DCDC1: variants seen among roughly 807,000 people sequenced by gnomAD.
DCDC1 encodes the protein doublecortin domain-containing protein 1.
Under a neutral mutation model 178.3 loss-of-function variants are expected in DCDC1, and 200 were observed. The observed-to-expected ratio is 1.12, with a 90% CI of 1.00 to 1.26. The LOEUF is 1.26. Among genes scored for constraint, DCDC1 ranks in the 50% most tolerant of loss-of-function variants. DCDC1 has a pLI of 0.00. For missense variants in DCDC1, 1,983 were observed against 1,749.2 expected, an observed-to-expected ratio of 1.13 and a Z score of -2.38; for synonymous variants, 690 against 604.8, an observed-to-expected ratio of 1.14 and a Z score of -2.07.
intron 20 of DCDC1, among the ~76,000 whole-genome samples, chr11:30,997,871 C>G (rs997127518): frequency 6.6e-6 from 1 of 151,928 alleles, no homozygotes; most frequent in African/African-American, 2.4e-5. Context: ...TTCTAAATAG[C>G]CTTCTCCCCA....
intron 36 of DCDC1, among the ~76,000 whole-genome samples, chr11:30,890,492 T>C (rs200580248): frequency 6.2e-4 from 94 of 152,352 alleles, no homozygotes; most frequent in Non-Finnish European, 1.3e-3. Flanking sequence ...AGGTGGGTAC[T>C]GTGCTCCACT....
chr11:31,038,718 T>A (rs1221508495), intron 20 of DCDC1, among the ~76,000 whole-genome samples: 1 of 152,186 alleles, frequency 6.6e-6, no homozygotes, highest in African/African-American at 2.4e-5. Context: ...TTAATAGTGC[T>A]CCTGGCATGG....
chr11:31,293,693 ATC>A (rs2137431504), intron 6 of DCDC1, among the ~76,000 whole-genome samples: 1 of 152,238 alleles, frequency 6.6e-6, no homozygotes, highest in East Asian at 1.9e-4. Context: ...TACCTTATTT[ATC>A]TCTCTCAACA....
chr11:31,271,759 TGGAGA>T (rs1945569784), intron 7 of DCDC1, among the ~76,000 whole-genome samples: 1 of 152,154 alleles, frequency 6.6e-6, no homozygotes, highest in Non-Finnish European at 1.5e-5. Context: ...CCCACATGGC[TGGAGA>T]GGCCTCACAA....
At chr11:31,332,613 T>C (rs1171709961) in intron 2 of DCDC1, among the ~76,000 whole-genome samples, 2 of 152,232 alleles carry the variant, frequency 1.3e-5, no homozygotes, top group Non-Finnish European at 2.9e-5. Flanking sequence ...AAGATCTTTA[T>C]TTCTGCCTTC....
intron 9 of DCDC1, among the ~76,000 whole-genome samples, chr11:31,216,264 T>C (rs566936088): frequency 3.9e-5 from 6 of 152,226 alleles, no homozygotes; most frequent in African/African-American, 1.4e-4. Context: ...GGTAGACAGA[T>C]AGAGGATTAG....
chr11:31,233,803 A>G (rs1413572082), intron 9 of DCDC1, among the ~76,000 whole-genome samples: 1 of 152,230 alleles, frequency 6.6e-6, no homozygotes, highest in Non-Finnish European at 1.5e-5. Flanking sequence ...GAGGAATCCA[A>G]TGCCAGAAGT....
At chr11:30,923,246 C>A (rs1010728707) in intron 23 of DCDC1, among the ~76,000 whole-genome samples, 4 of 152,226 alleles carry the variant, frequency 2.6e-5, no homozygotes, top group Non-Finnish European at 4.4e-5. Context: ...CAGCAGGCAC[C>A]ATATGGCCCA....
At chr11:31,014,745 T>G (rs918306779) in intron 20 of DCDC1, among the ~76,000 whole-genome samples, 1 of 152,168 alleles carries the variant, frequency 6.6e-6, no homozygotes, top group East Asian at 1.9e-4. Flanking sequence ...ATCAGTTAGA[T>G]GCACAACCAT....
At position 30,978,820 on chromosome 11, in the gene DCDC1, ACACACACC is replaced by A. The variant is rs1295013997; in HGVS notation, c.2592-26260_2592-26253del. On this transcript the variant is annotated intron_variant, in intron 20 of 38. Coordinates refer to ENST00000684477, the MANE Select transcript of DCDC1 (RefSeq NM_001387274.1). Reference sequence around the variant, plus strand: ...CACACACACACACACACACACACACACACACACCCCCTTCTCAGCCTCTGGTATCTATC... The same window carrying A: ...CACACACACACACACACACACACACACCCTTCTCAGCCTCTGGTATCTATC... Among the ~76,000 whole-genome samples the A allele has an allele frequency of 6.6e-3, 724 of 109,120 alleles. 13 individuals carry two copies. Among genetic ancestry groups the A allele is most frequent in the African/African-American group, 0.02 (668 of 32,756 alleles). The allele number at this position is 109,120 out of a possible 152,430, so 71.6% of individuals were successfully genotyped here.
At chr11:31,122,175 C>G (rs1414840787) in intron 11 of DCDC1, among the ~76,000 whole-genome samples, 1 of 152,092 alleles carries the variant, frequency 6.6e-6, no homozygotes, top group Non-Finnish European at 1.5e-5. Context: ...GCGGCCTTTG[C>G]TCCATGTGTC....
At chr11:30,970,416 C>A (rs971583197) in intron 20 of DCDC1, among the ~76,000 whole-genome samples, 1 of 152,156 alleles carries the variant, frequency 6.6e-6, no homozygotes, top group Non-Finnish European at 1.5e-5. Flanking sequence ...TTGCAGCTAC[C>A]ACTGTGGCTT....
At chr11:31,028,259 G>T (rs1022215835) in intron 20 of DCDC1, among the ~76,000 whole-genome samples, 3 of 151,750 alleles carry the variant, frequency 2.0e-5, no homozygotes, top group African/African-American at 7.2e-5. Flanking sequence ...GATTGTTTTT[G>T]AATAATACAG....
intron 36 of DCDC1, among the ~76,000 whole-genome samples, chr11:30,886,280 GTTA>G (rs968050339): frequency 9.2e-5 from 14 of 151,978 alleles, no homozygotes; most frequent in Non-Finnish European, 1.8e-4. Context: ...CAGAATAAAT[GTTA>G]TTAAGATAAT....
At chr11:31,321,396 C>T (rs9736728) in intron 3 of DCDC1, among the ~76,000 whole-genome samples, 1 of 147,388 alleles carries the variant, frequency 6.8e-6, no homozygotes, top group Non-Finnish European at 1.5e-5. Context: ...GCGCAATATT[C>T]GGGTGGGAGT....
intron 7 of DCDC1, among the ~76,000 whole-genome samples, chr11:31,267,016 A>T (rs1294510336): frequency 6.6e-6 from 1 of 152,162 alleles, no homozygotes; most frequent in African/African-American, 2.4e-5. Context: ...CTACTCCTAT[A>T]CATAACTAAT....
intron 38 of DCDC1, among the ~76,000 whole-genome samples, chr11:30,872,764 C>G (rs547388320): frequency 2.6e-5 from 4 of 152,108 alleles, no homozygotes; most frequent in Non-Finnish European, 5.9e-5. Context: ...AAGTATGTCA[C>G]CCCTACCTCC....
chr11:30,881,611 C>A (rs1942677087), intron 36 of DCDC1, among the ~76,000 whole-genome samples: 1 of 152,118 alleles, frequency 6.6e-6, no homozygotes. Flanking sequence ...GATTGAAAAT[C>A]TAGACTTCTC....
intron 21 of DCDC1, among the ~76,000 whole-genome samples, chr11:30,949,771 C>T (rs540450463): frequency 4.7e-5 from 7 of 148,024 alleles, no homozygotes; most frequent in South Asian, 2.1e-4. Flanking sequence ...AACCAAACAC[C>T]GTATGTTCTC....
Sources: allele counts gnomAD v4.1 joint callset (sites outside exome capture counted in the v4.1 genomes callset), GRCh38; gene constraint gnomAD v4.1.1; transcripts MANE v1.5; gene names NCBI Gene and HGNC (gene_info 2026-07-23, HGNC 2026-07-21).